Variants in ABCA2 observed in about 807,000 individuals in gnomAD.
ABCA2 encodes the protein ATP binding cassette subfamily A member 2.
ABCA2 carries 84 observed loss-of-function variants against 262.8 expected under a neutral mutation model. The ratio of observed to expected loss-of-function variants is 0.32; its 90% confidence interval spans 0.27 to 0.38. The LOEUF is 0.38. Among genes scored for constraint, ABCA2 ranks in the 10% least tolerant of loss-of-function variants. The probability of loss-of-function intolerance (pLI) is 1.00; values close to 1 mark genes in which losing one functional copy is unlikely to be tolerated. For synonymous variants in ABCA2, 1,696 were observed against 1,502.9 expected (o/e 1.13, Z -2.97); for missense variants, 2,662 against 3,405.9 (o/e 0.78, Z 5.44).
rs746344152 is a variant in ABCA2 at position 137,017,811 on chromosome 9, C to T, written c.2187G>A (p.Ala729=). 1.1e-5 allele frequency: 17 copies of T among 1,612,420 alleles called. No homozygotes were observed. The highest frequency in any genetic ancestry group is 6.7e-5 in the African/African-American group (5 of 74,934). The change falls in exon 16 of 49, where the codon GCG becomes GCA. Residue 729 remains alanine (A), a synonymous_variant. Coordinates refer to ENST00000341511, the MANE Select transcript of ABCA2 (RefSeq NM_001606.5). ...CCTCCTTGAGCCGGTGCTCCTTCTC[C>T]GCCACGATGTGCTGGATGGTCATGG... ...SVAMTIQHIV[A]EKEHRLKEVM...
chr9:137,019,415 C>G lies in ABCA2; in HGVS notation c.1426-109G>C. 1.5e-6 allele frequency: 2 copies of G among 1,311,156 alleles called. No individual in the cohort carries two copies. Among genetic ancestry groups the G allele is most frequent in the Non-Finnish European group, 1.0e-6 (1 of 971,368 alleles). The allele number at this position is 1,311,156 out of a possible 1,614,324, so 81.2% of individuals were successfully genotyped here. ...GGCTGGTCCATTGCCAACAACTAAC[C>G]CTCCCCACCTTTTTTTTTTTTTTTT... On this transcript the variant is annotated intron_variant, in intron 10 of 48. Coordinates refer to ENST00000341511, the MANE Select transcript of ABCA2 (RefSeq NM_001606.5). This position sits in a 1 kb window ranked among gnomAD's most constrained non-coding sequence, Gnocchi z 4.4.
intron 1 of ABCA2, among the ~76,000 whole-genome samples, chr9:137,025,897 A>C (rs1232572916): frequency 2.6e-5 from 4 of 152,182 alleles, no homozygotes; most frequent in Admixed American, 2.6e-4. Flanking sequence ...GCGGCAGCAC[A>C]GGTCTAGCAC....
At position 137,010,344 on chromosome 9, in the gene ABCA2, T is replaced by C. The variant is rs745721854; in HGVS notation, c.6202A>G (p.Ile2068Val). The change falls in exon 41 of 49, where the codon ATC (isoleucine) becomes GTC (valine). Residue 2068 changes from isoleucine to valine, a missense_variant. Ile to Val is a conservative substitution (Grantham distance 29, BLOSUM62 3). Around this residue, in one of 12 missense-constraint regions of ABCA2, gnomAD observed 602 missense variants for 897.4 expected, o/e 0.67. Coordinates refer to ENST00000341511, the MANE Select transcript of ABCA2 (RefSeq NM_001606.5). ...AGGCACAGGCGGTCAACGGCCAGGA[T>C]ACGGCCAATCTTCCGGGACTTGTAG... ...KVYKSRKIGR[I>V]LAVDRLCLGV... The C allele has an allele frequency of 6.3e-7, 1 of 1,580,808 alleles. No homozygotes were observed. Among genetic ancestry groups the C allele is most frequent in the East Asian group, 2.3e-5 (1 of 43,130 alleles).
At chr9:137,024,051 C>T in intron 2 of ABCA2, 92 bp downstream of exon 2, 1 of 1,516,200 alleles carries the variant, frequency 6.6e-7, no homozygotes, top group South Asian at 1.3e-5. Context: ...ACTCCGGGAG[C>T]AGGACACCCG....
chr9:137,019,531 T>G lies in ABCA2; in HGVS notation c.1426-225A>C. 2.0e-6 allele frequency: 1 copy of G among 504,722 alleles called. No individual in the cohort carries two copies. Among genetic ancestry groups the G allele is most frequent in the Non-Finnish European group, 3.5e-6 (1 of 288,350 alleles). 31.3% of individuals were successfully genotyped at this position (504,722 alleles called of 1,614,324 possible). Reference sequence around the variant, plus strand: ...TCCACCTCCCAGGCTCAAGGGATCCTCCCGCCTCAGCCCTCCAAGTAGCTG... The same window carrying G: ...TCCACCTCCCAGGCTCAAGGGATCCGCCCGCCTCAGCCCTCCAAGTAGCTG... On this transcript the variant is annotated intron_variant, in intron 10 of 48. Coordinates refer to ENST00000341511, the MANE Select transcript of ABCA2 (RefSeq NM_001606.5). This position sits in a 1 kb window ranked among gnomAD's most constrained non-coding sequence, Gnocchi z 4.4.
chr9:137,010,277 T>C lies in ABCA2; in HGVS notation c.6269A>G (p.Asn2090Ser). 6.3e-7 allele frequency: 1 copy of C among 1,597,466 alleles called. No individual in the cohort carries two copies. The highest frequency in any genetic ancestry group is 8.5e-7 in the Non-Finnish European group (1 of 1,173,146). Residue 2090 changes from asparagine to serine, a missense_variant, in exon 41 of 49, where the codon AAC becomes AGC. Physicochemically the swap from Asn to Ser is conservative, Grantham distance 46. Around this residue, in one of 12 missense-constraint regions of ABCA2, gnomAD observed 602 missense variants for 897.4 expected, o/e 0.67. Transcript: ENST00000341511. ...GAAGGTGCTGGTCTTGCCCGCACCG[T>C]TGACGCCCAGGAGCCCGAAGCACTC... ...PGECFGLLGV[N>S]GAGKTSTFKM...
At chr9:137,028,272 C>T (rs1417623273), upstream of ABCA2, 3 of 978,188 alleles carry the variant, frequency 3.1e-6, no homozygotes, top group African/African-American at 3.5e-5. The surrounding 1 kb of genome is among the most constrained non-coding windows in gnomAD (Gnocchi z 6.9). Flanking sequence ...GGACCCGATC[C>T]GCGCTGGCTC....
At position 137,015,073 on chromosome 9, in the gene ABCA2, G is replaced by A. The variant is rs949700850; in HGVS notation, c.3722C>T (p.Pro1241Leu). The change falls in exon 25 of 49, where the codon CCA becomes CTA. Residue 1241 changes from proline (P) to leucine (L), a missense_variant. Coordinates refer to ENST00000341511, the MANE Select transcript of ABCA2 (RefSeq NM_001606.5). Reference sequence around the variant, plus strand: ...GCAGCTGCTCAGCGGGGCCCGACCTGGGGGGCTGGATGCCAGCCCTGGCTC... The same window carrying A: ...GCAGCTGCTCAGCGGGGCCCGACCTAGGGGGCTGGATGCCAGCCCTGGCTC... ...PQEPGLASSP[P>L]GRAPLSSCSE... The A allele has an allele frequency of 4.4e-6, 7 of 1,597,186 alleles. No individual in the cohort carries two copies. Among genetic ancestry groups the A allele is most frequent in the Admixed American group, 1.8e-5 (1 of 56,738 alleles).
Position 137,014,056 on chromosome 9 carries a change from G to C in ABCA2, c.4241-18C>G. 1 of 1,607,790 alleles carries C rather than the reference G, an allele frequency of 6.2e-7. No individual in the cohort carries two copies. Among genetic ancestry groups the C allele is most frequent in the Non-Finnish European group, 8.5e-7 (1 of 1,178,790 alleles). On this transcript the variant is annotated intron_variant, in intron 27 of 48. Transcript: ENST00000341511. ...CTCCACCTCTGTGCAGAGAGGTAGA[G>C]GCTGAGCAGGTGGTTGCACGCTACC...
chr9:137,027,873 A>T, intron 1 of ABCA2: 1 of 155,892 alleles, frequency 6.4e-6, no homozygotes, highest in Non-Finnish European at 1.4e-5. Flanking sequence ...CGGACTGGAC[A>T]CGACCGAGCC....
Position 137,010,047 on chromosome 9 carries a change from G to A in ABCA2, c.6431C>T (p.Thr2144Met). ...PQCDALFDEL[T>M]AREHLQLYTR... is the part of the protein sequence containing the mutation. ...GTACAGCTGCAGGTGCTCCCGGGCCGTGAGCTCGTCGAACAGCGCGTCACA... is the reference window on the plus strand; with the variant it reads ...GTACAGCTGCAGGTGCTCCCGGGCCATGAGCTCGTCGAACAGCGCGTCACA... Residue 2144 changes from threonine to methionine, a missense_variant, in exon 42 of 49, where the codon ACG (threonine) becomes ATG (methionine). Coordinates refer to ENST00000341511, the MANE Select transcript of ABCA2 (RefSeq NM_001606.5). The A allele has an allele frequency of 3.1e-6, 5 of 1,601,542 alleles. No homozygotes were observed. Among genetic ancestry groups the A allele is most frequent in the Middle Eastern group, 1.7e-4 (1 of 6,052 alleles).
chr9:137,018,251 G>A lies in ABCA2; in HGVS notation c.1920C>T (p.Arg640=), dbSNP rs763658575. ...TGGGCCCAGGCCGCCAGTAGGCGCG[G>A]CGGATCTCGTTGGTTTTCTCGGTGA... ...SSFTEKTNEI[R]RAYWRPGPNT... is the part of the protein sequence containing the mutation. Residue 640 remains arginine, a synonymous_variant, in exon 14 of 49, where the codon CGC becomes CGT. Coordinates refer to ENST00000341511, the MANE Select transcript of ABCA2 (RefSeq NM_001606.5). 1 of 1,611,522 alleles carries A rather than the reference G, an allele frequency of 6.2e-7. No individual in the cohort carries two copies. The highest frequency in any genetic ancestry group is 8.5e-7 in the Non-Finnish European group (1 of 1,179,734).
At chr9:137,018,405 G>A (rs1440433003) in intron 13 of ABCA2, 54 bp from the exon 14 acceptor site, 10 of 1,343,178 alleles carry the variant, frequency 7.4e-6, no homozygotes, top group Non-Finnish European at 9.0e-6. Context: ...ACCAAGGCGT[G>A]GTGGGGGGGA....
At chr9:137,020,053 G>A (rs748792166) in intron 10 of ABCA2, 45 of 465,764 alleles carry the variant, frequency 9.7e-5, no homozygotes, top group Non-Finnish European at 1.5e-4. Context: ...AAGGTCTCTG[G>A]ACACACCCCT....
rs200994843 is a variant in ABCA2, at chr9:137,017,597, G to A, written c.2307C>T (p.Thr769=). The A allele has an allele frequency of 7.7e-5, 124 of 1,612,762 alleles. 1 individual carries two copies. The African/African-American group carries it at 1.4e-3, about 18-fold the overall frequency. Residue 769 remains threonine (T), a synonymous_variant, in exon 17 of 49, where the codon ACC becomes ACT. Transcript: ENST00000341511. ...VQLSISVTAL[T]AILKYGQVLM... is the part of the protein sequence containing the mutation. ...GCACCTGGCCGTACTTCAGGATGGC[G>A]GTGAGTGCTGTCACGGAGATGGACA...
Position 137,009,365 on chromosome 9 carries a change from C to A in ABCA2, c.6827+5G>T. On this transcript the variant is annotated splice_donor_5th_base_variant and intron_variant, in intron 45 of 48. Coordinates refer to ENST00000341511, the MANE Select transcript of ABCA2 (RefSeq NM_001606.5). ...CAGCCCACCCCTGGCCCTGCCCCGG[C>A]TCACCGGTTCTTCAGGTGCTGGATG... 6.3e-7 allele frequency: 1 copy of A among 1,586,636 alleles called. No homozygotes were observed. The highest frequency in any genetic ancestry group is 8.5e-7 in the Non-Finnish European group (1 of 1,173,488).
In ABCA2 at chr9:137,015,305, TGGGCCCAGCGGGTGACGGTGA is replaced by T. The variant is rs959012976; in HGVS notation, c.3697+88_3697+108del. ...GCGGGCCAGGCCCCAGCAGGCATCCTGGGCCCAGCGGGTGACGGTGAGGGCCCAGCCTCTCCATTGTGGATT... is the reference window on the plus strand; with the variant it reads ...GCGGGCCAGGCCCCAGCAGGCATCCTGGGCCCAGCCTCTCCATTGTGGATT... On this transcript the variant is annotated intron_variant, in intron 24 of 48. Coordinates refer to ENST00000341511, the MANE Select transcript of ABCA2 (RefSeq NM_001606.5). The T allele has an allele frequency of 2.1e-4, 280 of 1,364,580 alleles. 2 individuals are homozygous for T. The African/African-American group carries it at 3.9e-3, about 19-fold the overall frequency. 84.5% of individuals were successfully genotyped at this position (1,364,580 alleles called of 1,614,324 possible).
rs753863968 is a variant in ABCA2, at chr9:137,015,266, G to C, written c.3697+148C>G. On this transcript the variant is annotated intron_variant, in intron 24 of 48. Coordinates refer to ENST00000341511, the MANE Select transcript of ABCA2 (RefSeq NM_001606.5). Reference sequence around the variant, plus strand: ...TGAGGACCCAGCCTCTCCAAGATACGGGCGTTGCAGAGGGCGGGCCAGGCC... The same window carrying C: ...TGAGGACCCAGCCTCTCCAAGATACCGGCGTTGCAGAGGGCGGGCCAGGCC... 7 of 1,199,760 alleles carry C rather than the reference G, an allele frequency of 5.8e-6. No individual in the cohort carries two copies. In the East Asian group the frequency reaches 1.5e-4, roughly 26 times the overall value. The allele number at this position is 1,199,760 out of a possible 1,614,324, so 74.3% of individuals were successfully genotyped here. A position where few individuals can be genotyped will look rare whatever the true frequency, so the allele number is the denominator to read the frequency against.
chr9:137,010,763 C>G (rs779954816), intron 39 of ABCA2, 26 bp from the exon 40 acceptor site: 1 of 1,596,782 alleles, frequency 6.3e-7, no homozygotes, highest in East Asian at 2.2e-5. Flanking sequence ...GGACAGTGTC[C>G]AGCAGCTCGC....
Sources: gnomAD v4.1 joint callset for allele counts (sites outside exome capture counted in the v4.1 genomes callset) on GRCh38, gnomAD v4.1.1 for gene constraint, gnomAD v4.1.1 regional missense constraint, Gnocchi (gnomAD v3.1) non-coding constraint, MANE v1.5 for transcripts, NCBI Gene and HGNC (gene_info 2026-07-23, HGNC 2026-07-21) for gene names.